The following MFSD6 variants were observed in gnomAD, a reference collection of about 807,000 sequenced individuals.
The protein encoded by MFSD6 is major facilitator superfamily domain-containing protein 6.
A neutral mutation model predicts 56.3 loss-of-function variants in MFSD6; 26 were observed. The observed-to-expected ratio is 0.46, with a 90% confidence interval of 0.34 to 0.64. MFSD6 has a LOEUF of 0.64. Among genes scored for constraint, MFSD6 ranks in the 30% least tolerant of loss-of-function variants. The probability of loss-of-function intolerance (pLI) is 0.01; values close to 1 mark genes in which losing one functional copy is unlikely to be tolerated. For synonymous variants in MFSD6, 331 were observed against 366.9 expected, an observed-to-expected ratio of 0.90 and a Z score of 1.12; for missense variants, 750 against 986.2, an observed-to-expected ratio of 0.76 and a Z score of 3.21.
In MFSD6 at chr2:190,501,400, A is replaced by G. The variant is rs1015420571; in HGVS notation, c.*1182A>G. 1 of 152,230 alleles carries G rather than the reference A, an allele frequency of 6.6e-6. No individual in the cohort carries two copies. Among genetic ancestry groups the G allele is most frequent in the African/African-American group, 2.4e-5 (1 of 41,456 alleles). 9.4% of individuals were successfully genotyped at this position (152,230 alleles called of 1,614,324 possible). A position where few individuals can be genotyped will look rare whatever the true frequency, so the allele number is the denominator to read the frequency against. On this transcript the variant is annotated 3_prime_UTR_variant, in exon 8 of 8. Transcript: ENST00000392328. ...TGTAATGTATGCAACTGCAAACGTT[A>G]CAACTGCAGCCAGAACAATGGCTGG...
chr2:190,408,280 GC>G (rs1690384610), upstream of MFSD6: 1 of 151,212 alleles, frequency 6.6e-6, no homozygotes, highest in Non-Finnish European at 1.5e-5. Context: ...GGAGCGCTGG[GC>G]CCTCCGCCTC....
intron 3 of MFSD6, chr2:190,442,533 T>C (rs1686418066): frequency 6.6e-6 from 1 of 151,938 alleles, no homozygotes. Flanking sequence ...AGAAGGTTCT[T>C]AAAATAGTCC....
At chr2:190,475,159 C>T (rs1369310280) in intron 4 of MFSD6, among the ~76,000 whole-genome samples, 3 of 152,160 alleles carry the variant, frequency 2.0e-5, no homozygotes, top group African/African-American at 7.2e-5. Flanking sequence ...TGACACAAGA[C>T]AGGGATGCCC....
chr2:190,499,195 T>C lies in MFSD6; in HGVS notation c.2173-820T>C, dbSNP rs1250320406. Reference sequence around the variant, plus strand: ...ATAAATAAATAAAATGTTTCTGGTATGTTAGGATTAATAAAAACTGGCAGG... The same window carrying C: ...ATAAATAAATAAAATGTTTCTGGTACGTTAGGATTAATAAAAACTGGCAGG... On this transcript the variant is annotated intron_variant, in intron 7 of 7. Coordinates refer to ENST00000392328, the MANE Select transcript of MFSD6 (RefSeq NM_017694.4). This position sits in a 1 kb window ranked among gnomAD's most constrained non-coding sequence, Gnocchi z 6.0. Among the ~76,000 whole-genome samples, 1 of 152,150 alleles carries C rather than the reference T, an allele frequency of 6.6e-6. No individual in the cohort carries two copies. The highest frequency in any genetic ancestry group is 1.9e-4 in the East Asian group (1 of 5,196).
chr2:190,493,688 G>A (rs1175917921), intron 6 of MFSD6, among the ~76,000 whole-genome samples: 15 of 152,006 alleles, frequency 9.9e-5, no homozygotes, highest in Admixed American at 8.5e-4. Context: ...AGACCACAGT[G>A]GAATAAAACT....
At chr2:190,472,260 G>A (rs1030304686) in intron 4 of MFSD6, among the ~76,000 whole-genome samples, 1 of 151,978 alleles carries the variant, frequency 6.6e-6, no homozygotes, top group African/African-American at 2.4e-5. Flanking sequence ...GATGAGTTGA[G>A]AGAAGGCTTC....
In MFSD6 at chr2:190,461,111, G is replaced by A. The variant is rs1013112388; in HGVS notation, c.1533-8647G>A. On this transcript the variant is annotated intron_variant, in intron 3 of 7. Transcript: ENST00000392328. The surrounding 1 kb of genome is among the most constrained non-coding windows in gnomAD (Gnocchi z 5.5). ...ATCTCCCAAGAGTTTCAAAAGAAAG[G>A]AATAATTTAAATATGAACTTAGCTA... 6.6e-6 allele frequency among the ~76,000 whole-genome samples: 1 copy of A among 152,134 alleles called. No individual in the cohort carries two copies. The highest frequency in any genetic ancestry group is 1.5e-5 in the Non-Finnish European group (1 of 68,042).
intron 2 of MFSD6, among the ~76,000 whole-genome samples, chr2:190,429,470 C>T (rs1360764226): frequency 6.6e-6 from 1 of 151,884 alleles, no homozygotes; most frequent in African/African-American, 2.4e-5. Context: ...GGATTACAGG[C>T]ACCCACCACC....
chr2:190,497,597 A>T lies in MFSD6; in HGVS notation c.2050A>T (p.Asn684Tyr). 6.2e-7 allele frequency: 1 copy of T among 1,614,174 alleles called. No homozygotes were observed. Among genetic ancestry groups the T allele is most frequent in the Non-Finnish European group, 8.5e-7 (1 of 1,180,026 alleles). Residue 684 changes from asparagine to tyrosine, a missense_variant, in exon 7 of 8, where the codon AAC becomes TAC. Physicochemically the swap from Asn to Tyr is moderately radical, Grantham distance 143. Coordinates refer to ENST00000392328, the MANE Select transcript of MFSD6 (RefSeq NM_017694.4). This position sits in a 1 kb window ranked among gnomAD's most constrained non-coding sequence, Gnocchi z 5.2. ...GCACCAGGAAGAACAGGAAGATGTG[A>T]ACAAACCAGCCTGGGGAGTCAGCTC... Reference protein sequence around the residue: ...TKHQEEQEDVNKPAWGVSSSP... With the variant: ...TKHQEEQEDVYKPAWGVSSSP...
Position 190,463,715 on chromosome 2 carries a change from G to C in MFSD6, c.1533-6043G>C, listed in dbSNP as rs1461309398. 4 of 196,808 alleles carry C rather than the reference G, an allele frequency of 2.0e-5. No homozygotes were observed. The highest frequency in any genetic ancestry group is 6.5e-5 in the Admixed American group (1 of 15,308). 12.2% of individuals were successfully genotyped at this position (196,808 alleles called of 1,614,324 possible). The stretch of plus-strand genomic sequence containing the variant: ...CACACCTGTAGTCCCAGCTACTTGG[G>C]GGGCTGAGGTGGGAGGATCACCTGG... On this transcript the variant is annotated intron_variant, in intron 3 of 7. Transcript: ENST00000392328. The surrounding 1 kb of genome is among the most constrained non-coding windows in gnomAD (Gnocchi z 4.4).
At position 190,478,759 on chromosome 2, in the gene MFSD6, T is replaced by C. The variant is rs183419338; in HGVS notation, c.1630+8904T>C. Reference sequence around the variant, plus strand: ...GGGAATGGGATGTTGTCTTTCATCATTGGGCATCTTGACTCTGAAAAATCA... The same window carrying C: ...GGGAATGGGATGTTGTCTTTCATCACTGGGCATCTTGACTCTGAAAAATCA... On this transcript the variant is annotated intron_variant, in intron 4 of 7. Transcript: ENST00000392328. Among the ~76,000 whole-genome samples, 7 of 152,026 alleles carry C rather than the reference T, an allele frequency of 4.6e-5. No homozygotes were observed. In the East Asian group the frequency reaches 1.4e-3, roughly 29 times the overall value.
In MFSD6 at chr2:190,461,292, C is replaced by T. The variant is rs764404122; in HGVS notation, c.1533-8466C>T. The stretch of plus-strand genomic sequence containing the variant: ...TCTGTTCATTCTTTGAGAAAGTAGA[C>T]ATGCACTTGGAAAAACATTCAAAAG... On this transcript the variant is annotated intron_variant, in intron 3 of 7. Coordinates refer to ENST00000392328, the MANE Select transcript of MFSD6 (RefSeq NM_017694.4). The surrounding 1 kb of genome is among the most constrained non-coding windows in gnomAD (Gnocchi z 5.5). 1.3e-5 allele frequency among the ~76,000 whole-genome samples: 2 copies of T among 152,172 alleles called. No homozygotes were observed. The highest frequency in any genetic ancestry group is 1.9e-4 in the East Asian group (1 of 5,186).
intron 2 of MFSD6, 115 bp from the exon 3 acceptor site, chr2:190,435,862 C>A (rs1686159466): frequency 2.2e-6 from 2 of 903,118 alleles, no homozygotes; most frequent in Non-Finnish European, 3.2e-6. Flanking sequence ...GATGAGAATT[C>A]TCTCTTGCAA....
intron 3 of MFSD6, among the ~76,000 whole-genome samples, chr2:190,452,078 G>GT (rs376340374): frequency 1.6e-3 from 223 of 143,012 alleles, no homozygotes; most frequent in South Asian, 2.4e-3. Context: ...AAAGTTTTTT[G>GT]TTTTTTTTTT....
At position 190,447,409 on chromosome 2, in the gene MFSD6, A is replaced by C. The variant is rs1476081228; in HGVS notation, c.1532+9848A>C. Reference sequence around the variant, plus strand: ...ACTAGAGAGCTTTGGATTTGTTAAAATATGGCATTTATGGATTATTCCTGT... The same window carrying C: ...ACTAGAGAGCTTTGGATTTGTTAAACTATGGCATTTATGGATTATTCCTGT... On this transcript the variant is annotated intron_variant, in intron 3 of 7. Transcript: ENST00000392328. The surrounding 1 kb of genome is among the most constrained non-coding windows in gnomAD (Gnocchi z 4.5). Among the ~76,000 whole-genome samples, 1 of 152,222 alleles carries C rather than the reference A, an allele frequency of 6.6e-6. No individual in the cohort carries two copies. Among genetic ancestry groups the C allele is most frequent in the Non-Finnish European group, 1.5e-5 (1 of 68,038 alleles).
intron 1 of MFSD6, among the ~76,000 whole-genome samples, chr2:190,409,456 A>C (rs1348635383): frequency 6.6e-6 from 1 of 152,160 alleles, no homozygotes; most frequent in African/African-American, 2.4e-5. Flanking sequence ...TTGGGGTTCT[A>C]ATCCCAACTG....
Position 190,494,026 on chromosome 2 carries a change from A to T in MFSD6, c.1892-3413A>T, listed in dbSNP as rs181898860. ...CCAAGATGAGAGAATAACTAAATGAAATTGAAGGAAAAAAAATACAAAAAA... is the reference window on the plus strand; with the variant it reads ...CCAAGATGAGAGAATAACTAAATGATATTGAAGGAAAAAAAATACAAAAAA... On this transcript the variant is annotated intron_variant, in intron 6 of 7. Transcript: ENST00000392328. This position sits in a 1 kb window ranked among gnomAD's most constrained non-coding sequence, Gnocchi z 5.7. 2.0e-5 allele frequency among the ~76,000 whole-genome samples: 3 copies of T among 152,250 alleles called. No homozygotes were observed. The highest frequency in any genetic ancestry group is 7.2e-5 in the African/African-American group (3 of 41,570).
chr2:190,435,392 G>A (rs10197348), intron 2 of MFSD6: 107,329 of 152,128 alleles, frequency 0.71, 38,513 homozygotes, highest in Admixed American at 0.79. Context: ...ACATCTGGAG[G>A]ACTGTACATA....
chr2:190,463,848 TAAA>T lies in MFSD6; in HGVS notation c.1533-5907_1533-5905del. On this transcript the variant is annotated intron_variant, in intron 3 of 7. Coordinates refer to ENST00000392328, the MANE Select transcript of MFSD6 (RefSeq NM_017694.4). The surrounding 1 kb of genome is among the most constrained non-coding windows in gnomAD (Gnocchi z 4.4). Reference sequence around the variant, plus strand: ...AATAAATAAATAAATAAAATAAAAATAAAAAGCTGAGAATGATGGAGCCCAATC... The same window carrying T: ...AATAAATAAATAAATAAAATAAAAATAAGCTGAGAATGATGGAGCCCAATC... The T allele has an allele frequency of 1.0e-6, 1 of 975,118 alleles. No homozygotes were observed. Among genetic ancestry groups the T allele is most frequent in the Non-Finnish European group, 1.2e-6 (1 of 820,792 alleles). The allele number at this position is 975,118 out of a possible 1,614,324, so 60.4% of individuals were successfully genotyped here. A position where few individuals can be genotyped will look rare whatever the true frequency, so the allele number is the denominator to read the frequency against.
Sources: allele counts gnomAD v4.1 joint callset (sites outside exome capture counted in the v4.1 genomes callset), GRCh38; gene constraint gnomAD v4.1.1; non-coding constraint Gnocchi (gnomAD v3.1); transcripts MANE v1.5; gene names NCBI Gene and HGNC (gene_info 2026-07-23, HGNC 2026-07-21).